The following SLC4A7 variants were observed in gnomAD, a reference collection of about 807,000 sequenced individuals.
SLC4A7 encodes sodium bicarbonate cotransporter 3.
In SLC4A7, 51 loss-of-function variants were observed where a neutral mutation model predicts 137.6. The observed-to-expected ratio is 0.37, with a 90% confidence interval of 0.30 to 0.47. The LOEUF is 0.47. Ranked by LOEUF, SLC4A7 falls within the 20% of genes least tolerant of loss-of-function variation. SLC4A7 has a pLI of 1.00. For missense variants in SLC4A7, 1,247 were observed against 1,525.4 expected (o/e 0.82, Z 3.04); for synonymous variants, 542 against 518.6 (o/e 1.05, Z -0.61).
At chr3:27,431,259 G>C in intron 7 of SLC4A7, 39 bp downstream of exon 7, 1 of 1,527,108 alleles carries the variant, frequency 6.5e-7, no homozygotes, top group Non-Finnish European at 8.8e-7. Context: ...GTGACTCAGA[G>C]GCAGAAAGCA....
intron 14 of SLC4A7, 25 bp downstream of exon 14, chr3:27,404,805 A>G (rs112911207): frequency 5.2e-6 from 8 of 1,529,042 alleles, no homozygotes; most frequent in Middle Eastern, 1.7e-4. Flanking sequence ...AACACATGTG[A>G]TAAGTAGAGA....
At chr3:27,470,221 T>C (rs1037010629) in intron 1 of SLC4A7, among the ~76,000 whole-genome samples, 30 of 152,164 alleles carry the variant, frequency 2.0e-4, no homozygotes, top group African/African-American at 6.7e-4. Context: ...TAGCTAATTG[T>C]AGATCTTTTT....
chr3:27,473,070 ACT>A (rs2059317951), intron 1 of SLC4A7, among the ~76,000 whole-genome samples: 4 of 142,020 alleles, frequency 2.8e-5, no homozygotes, highest in South Asian at 4.9e-4. Context: ...ACAGAGGAAG[ACT>A]CTGTCTCAAA....
intron 1 of SLC4A7, among the ~76,000 whole-genome samples, chr3:27,477,551 T>A (rs2059513087): frequency 1.3e-5 from 2 of 152,318 alleles, no homozygotes; most frequent in South Asian, 4.1e-4. Flanking sequence ...TACCACGTAA[T>A]ATTAAGCTGC....
chr3:27,457,869 G>C (rs992555747), intron 1 of SLC4A7, among the ~76,000 whole-genome samples: 4 of 152,144 alleles, frequency 2.6e-5, no homozygotes, highest in Admixed American at 2.0e-4. Flanking sequence ...TTGCCTGAAA[G>C]TCTGAATTAT....
At chr3:27,473,185 G>T (rs540494796) in intron 1 of SLC4A7, among the ~76,000 whole-genome samples, 42 of 152,026 alleles carry the variant, frequency 2.8e-4, no homozygotes, top group Non-Finnish European at 5.0e-4. Context: ...ATTAGTCTCA[G>T]CTACTTAGGT....
intron 22 of SLC4A7, among the ~76,000 whole-genome samples, chr3:27,387,343 T>C (rs548874646): frequency 6.6e-6 from 1 of 152,290 alleles, no homozygotes; most frequent in Admixed American, 6.5e-5. Context: ...TTTTGACAAA[T>C]GTATATACTA....
At chr3:27,467,717 A>C (rs1201723612) in intron 1 of SLC4A7, among the ~76,000 whole-genome samples, 4 of 152,164 alleles carry the variant, frequency 2.6e-5, no homozygotes, top group Non-Finnish European at 4.4e-5. Context: ...TCAGTATTTA[A>C]CACCACTAAA....
At chr3:27,383,560 T>G (rs1029644511) in intron 23 of SLC4A7, among the ~76,000 whole-genome samples, 2 of 152,244 alleles carry the variant, frequency 1.3e-5, no homozygotes, top group African/African-American at 2.4e-5. Flanking sequence ...TAATGAGAGA[T>G]AACATTCTGT....
chr3:27,383,014 C>T, intron 24 of SLC4A7, 139 bp downstream of exon 24: 1 of 605,216 alleles, frequency 1.7e-6, no homozygotes, highest in Non-Finnish European at 2.8e-6. Flanking sequence ...TGTGTGAAGC[C>T]CTCCTTTAGT....
chr3:27,410,336 C>T (rs1376048185), intron 12 of SLC4A7, among the ~76,000 whole-genome samples: 1 of 152,112 alleles, frequency 6.6e-6, no homozygotes, highest in Non-Finnish European at 1.5e-5. Context: ...AAATAGTAGG[C>T]ACTCAACAAA....
chr3:27,455,415 CG>C, intron 1 of SLC4A7, among the ~76,000 whole-genome samples: 1 of 152,104 alleles, frequency 6.6e-6, no homozygotes, highest in East Asian at 1.9e-4. Flanking sequence ...AGTAAAAAGC[CG>C]GGGAAAAGGC....
rs201120286 is a variant in SLC4A7, at chr3:27,406,480, G to A, written c.1942-1517C>T. The stretch of plus-strand genomic sequence containing the variant: ...TTGGCAGCATAAAGGAGAAGTGTCC[G>A]TGTTAATGACACATTTGTTAATTAT... On this transcript the variant is annotated intron_variant, in intron 13 of 25. Transcript: ENST00000454389. 6.6e-5 allele frequency among the ~76,000 whole-genome samples: 10 copies of A among 152,286 alleles called. No homozygotes were observed. In the East Asian group the frequency reaches 1.2e-3, roughly 18 times the overall value.
chr3:27,389,122 T>C (rs2051273137), intron 22 of SLC4A7, among the ~76,000 whole-genome samples: 2 of 152,136 alleles, frequency 1.3e-5, no homozygotes, highest in Admixed American at 6.5e-5. Flanking sequence ...CTTAGTTGCA[T>C]TGAAGTCTTC....
chr3:27,450,332 G>A (rs539193261), intron 2 of SLC4A7, among the ~76,000 whole-genome samples: 1 of 152,064 alleles, frequency 6.6e-6, no homozygotes, highest in South Asian at 2.1e-4. Flanking sequence ...TTTATTTTTG[G>A]AATTATAGAT....
intron 5 of SLC4A7, 30 bp downstream of exon 5, chr3:27,436,358 C>T (rs1425297514): frequency 6.4e-7 from 1 of 1,561,976 alleles, no homozygotes; most frequent in South Asian, 1.1e-5. Context: ...CTACACCTTA[C>T]ATATTTTTTA....
At chr3:27,455,598 G>C (rs1576579724) in intron 1 of SLC4A7, among the ~76,000 whole-genome samples, 1 of 119,638 alleles carries the variant, frequency 8.4e-6, no homozygotes, top group Non-Finnish European at 1.6e-5. Flanking sequence ...TTTGGAGACA[G>C]AGTCTCATTC....
At chr3:27,405,863 TCAA>T (rs1296569494) in intron 13 of SLC4A7, among the ~76,000 whole-genome samples, 3 of 152,168 alleles carry the variant, frequency 2.0e-5, no homozygotes, top group African/African-American at 7.2e-5. Context: ...AGAATTTAAA[TCAA>T]CGTTAGTATA....
chr3:27,400,987 T>A (rs2052689418), intron 15 of SLC4A7, 118 bp from the exon 16 acceptor site: 6 of 584,004 alleles, frequency 1.0e-5, no homozygotes, highest in Non-Finnish European at 1.8e-5. Flanking sequence ...TTGAGAAGCA[T>A]GGAGACTAGA....
Sources: gnomAD v4.1 joint callset for allele counts (sites outside exome capture counted in the v4.1 genomes callset) on GRCh38, gnomAD v4.1.1 for gene constraint, MANE v1.5 for transcripts, NCBI Gene and HGNC (gene_info 2026-07-23, HGNC 2026-07-21) for gene names.